The following NUDT9 variants were observed in gnomAD, a reference collection of about 807,000 sequenced individuals.
NUDT9 encodes nudix hydrolase 9, also known as ADP-ribose pyrophosphatase.
Under a neutral mutation model 41.0 loss-of-function variants are expected in NUDT9, and 31 were observed. That is an observed-to-expected ratio of 0.76 (90% CI 0.57 to 1.02). The LOEUF (loss-of-function observed/expected upper bound fraction) is 1.02, where lower values mean the gene tolerates loss of function less well. NUDT9 is among the 50% of genes least tolerant of loss of function. The pLI is 0.00. For missense variants in NUDT9, 380 were observed against 431.4 expected (o/e 0.88, Z 1.06); for synonymous variants, 146 against 147.6 (o/e 0.99, Z 0.08).
intron 4 of NUDT9, among the ~76,000 whole-genome samples, chr4:87,443,521 A>G (rs1414871941): frequency 9.9e-5 from 15 of 152,236 alleles, no homozygotes; most frequent in Admixed American, 9.8e-4. Context: ...GTCACTGAAG[A>G]GCAATGGCTT....
At chr4:87,425,431 G>A (rs1578062932) in intron 1 of NUDT9, among the ~76,000 whole-genome samples, 1 of 125,592 alleles carries the variant, frequency 8.0e-6, no homozygotes, top group Non-Finnish European at 1.6e-5. Context: ...TCTTGCTCTC[G>A]TTGCCAAGGC....
In NUDT9 at chr4:87,422,721, C is replaced by T. The variant is rs371562378; in HGVS notation, c.-185C>T. On this transcript the variant is annotated 5_prime_UTR_variant, in exon 1 of 8. Transcript: ENST00000302174. ...ACTGGGGAAAGCGGTGGACTCTTAT[C>T]GTGGGAGGGCTCTTGATCTGTGATT... 1 of 477,662 alleles carries T rather than the reference C, an allele frequency of 2.1e-6. No individual in the cohort carries two copies. The highest frequency in any genetic ancestry group is 3.3e-5 in the South Asian group (1 of 30,110). 29.6% of individuals were successfully genotyped at this position (477,662 alleles called of 1,614,324 possible).
Position 87,435,202 on chromosome 4 carries a change from G to A in NUDT9, c.329G>A (p.Trp110Ter), listed in dbSNP as rs1721876287. 1.2e-6 allele frequency: 2 copies of A among 1,613,258 alleles called. No homozygotes were observed. The change falls in exon 2 of 8, where the codon TGG (tryptophan) becomes TAG (stop). Residue 110 changes from tryptophan (W) to a stop codon, truncating the protein, a stop_gained. Coordinates refer to ENST00000302174, the MANE Select transcript of NUDT9 (RefSeq NM_024047.5). LOFTEE classifies it high-confidence loss of function. Reference protein sequence around the residue: ...TAVSVLAGPRWADPQISESNF... With the variant: ...TAVSVLAGPR ...GTCTCTGTCTTGGCTGGACCCAGGTGGGCAGATCCTCAGATCAGGTGAGCA... is the reference window on the plus strand; with the variant it reads ...GTCTCTGTCTTGGCTGGACCCAGGTAGGCAGATCCTCAGATCAGGTGAGCA...
At chr4:87,429,898 A>G (rs1304418906) in intron 1 of NUDT9, among the ~76,000 whole-genome samples, 1 of 152,080 alleles carries the variant, frequency 6.6e-6, no homozygotes, top group Non-Finnish European at 1.5e-5. Context: ...ATATGCTTAT[A>G]TAATAAATAG....
rs760381967 is a variant in NUDT9, at chr4:87,422,915, C to T, written c.10C>T (p.Arg4Cys). 7 of 1,609,824 alleles carry T rather than the reference C, an allele frequency of 4.3e-6. No homozygotes were observed. The highest frequency in any genetic ancestry group is 1.1e-5 in the South Asian group (1 of 90,928). Residue 4 changes from arginine to cysteine, a missense_variant, in exon 1 of 8, where the codon CGC becomes TGC. Transcript: ENST00000302174. ...CGCCCTCGGGGCGCTCATGGCGGGACGCCTCCTGGGAAAGGCTTTAGCCGC... is the reference window on the plus strand; with the variant it reads ...CGCCCTCGGGGCGCTCATGGCGGGATGCCTCCTGGGAAAGGCTTTAGCCGC... MAG[R>C]LLGKALAAVS...
At chr4:87,454,703 T>C (rs1411472781) in intron 7 of NUDT9, among the ~76,000 whole-genome samples, 1 of 152,212 alleles carries the variant, frequency 6.6e-6, no homozygotes, top group Non-Finnish European at 1.5e-5. Context: ...AGGATGAAAT[T>C]ATGGGCTAAA....
intron 1 of NUDT9, among the ~76,000 whole-genome samples, chr4:87,429,152 G>T (rs1320003062): frequency 6.6e-6 from 1 of 152,084 alleles, no homozygotes; most frequent in African/African-American, 2.4e-5. Flanking sequence ...AATTAAAAAG[G>T]TTTCTTATTT....
intron 1 of NUDT9, among the ~76,000 whole-genome samples, chr4:87,427,375 T>A: frequency 6.6e-6 from 1 of 152,254 alleles, no homozygotes; most frequent in East Asian, 1.9e-4. Flanking sequence ...AGTTCCCATT[T>A]GCTAGGCCAA....
chr4:87,452,582 C>T (rs1255352742), intron 6 of NUDT9, among the ~76,000 whole-genome samples: 1 of 151,714 alleles, frequency 6.6e-6, no homozygotes, highest in Non-Finnish European at 1.5e-5. Flanking sequence ...TTCTGGGTAG[C>T]TGGGACCACA....
chr4:87,427,700 G>T (rs1285258101), intron 1 of NUDT9, among the ~76,000 whole-genome samples: 2 of 152,132 alleles, frequency 1.3e-5, no homozygotes, highest in African/African-American at 4.8e-5. Flanking sequence ...TTTTTGGTAC[G>T]TGGGTGGGAT....
intron 1 of NUDT9, among the ~76,000 whole-genome samples, chr4:87,424,513 C>T (rs950500732): frequency 2.6e-5 from 4 of 152,138 alleles, no homozygotes; most frequent in Admixed American, 6.5e-5. Flanking sequence ...CCGCCCGTCT[C>T]GGCCTCCCAA....
chr4:87,432,224 G>C lies in NUDT9; in HGVS notation c.108-2757G>C, dbSNP rs367788285. 7.2e-5 allele frequency among the ~76,000 whole-genome samples: 11 copies of C among 152,024 alleles called. No individual in the cohort carries two copies. In the East Asian group the frequency reaches 1.5e-3, roughly 21 times the overall value. On this transcript the variant is annotated intron_variant, in intron 1 of 7. Coordinates refer to ENST00000302174, the MANE Select transcript of NUDT9 (RefSeq NM_024047.5). Reference sequence around the variant, plus strand: ...CACATAATGAGATGTCTTGGAGATGGGACTCAAGTCTAAACACAAAATTCA... The same window carrying C: ...CACATAATGAGATGTCTTGGAGATGCGACTCAAGTCTAAACACAAAATTCA...
At chr4:87,432,760 A>G (rs1578067527) in intron 1 of NUDT9, among the ~76,000 whole-genome samples, 1 of 150,266 alleles carries the variant, frequency 6.7e-6, no homozygotes, top group East Asian at 2.0e-4. Flanking sequence ...ATCAATCAAG[A>G]AGATTGTGTT....
In NUDT9 at chr4:87,458,059, G is replaced by C. The variant is rs755879495; in HGVS notation, c.*38G>C. On this transcript the variant is annotated 3_prime_UTR_variant, in exon 8 of 8. Coordinates refer to ENST00000302174, the MANE Select transcript of NUDT9 (RefSeq NM_024047.5). ...GTGTAAGCCAAAGGCCCACAGAGGAGCATATACTGAAAAGAAGGCAGTATC... is the reference window on the plus strand; with the variant it reads ...GTGTAAGCCAAAGGCCCACAGAGGACCATATACTGAAAAGAAGGCAGTATC... 17 of 1,461,854 alleles carry C rather than the reference G, an allele frequency of 1.2e-5. No individual in the cohort carries two copies. Among genetic ancestry groups the C allele is most frequent in the Admixed American group, 8.1e-5 (3 of 37,212 alleles). The allele number at this position is 1,461,854 out of a possible 1,614,324, so 90.6% of individuals were successfully genotyped here. A position where few individuals can be genotyped will look rare whatever the true frequency, so the allele number is the denominator to read the frequency against.
In NUDT9 at chr4:87,438,375, A is replaced by G. The variant is rs761870781; in HGVS notation, c.443+3A>G. 3.9e-6 allele frequency: 6 copies of G among 1,523,776 alleles called. No individual in the cohort carries two copies. In the South Asian group the frequency reaches 4.5e-5, roughly 11 times the overall value. The allele number at this position is 1,523,776 out of a possible 1,614,324, so 94.4% of individuals were successfully genotyped here. On this transcript the variant is annotated splice_donor_region_variant and intron_variant, in intron 3 of 7. Coordinates refer to ENST00000302174, the MANE Select transcript of NUDT9 (RefSeq NM_024047.5). ...GAGATTGAAAATGGAAGACCGAGGT[A>G]GGTACTGGGAGCAGAGCATCTTACA...
Position 87,423,025 on chromosome 4 carries a change from C to T in NUDT9, c.107+13C>T, listed in dbSNP as rs1166937100. ...TCCAGGCGTTCAGGTATTCCACCCT[C>T]CTACTACCGGCTCCTTTGCCCTAGA... On this transcript the variant is annotated intron_variant, in intron 1 of 7. Transcript: ENST00000302174. The T allele has an allele frequency of 1.9e-6, 3 of 1,602,804 alleles. No individual in the cohort carries two copies. Among genetic ancestry groups the T allele is most frequent in the Non-Finnish European group, 2.6e-6 (3 of 1,172,106 alleles).
chr4:87,425,014 A>G (rs1721344662), intron 1 of NUDT9, among the ~76,000 whole-genome samples: 1 of 152,194 alleles, frequency 6.6e-6, no homozygotes, highest in Admixed American at 6.5e-5. Flanking sequence ...ATGCCACTGC[A>G]TTCCATTCTG....
At chr4:87,455,183 C>T (rs942371503) in intron 7 of NUDT9, among the ~76,000 whole-genome samples, 5 of 152,186 alleles carry the variant, frequency 3.3e-5, no homozygotes, top group Non-Finnish European at 7.4e-5. Flanking sequence ...TTGTACAAAT[C>T]ATTTGTCCTC....
chr4:87,422,627 C>T lies in NUDT9; in HGVS notation c.-279C>T, dbSNP rs928703657. The T allele has an allele frequency of 3.0e-6, 1 of 330,450 alleles. No homozygotes were observed. The highest frequency in any genetic ancestry group is 5.5e-6 in the Non-Finnish European group (1 of 183,062). 20.5% of individuals were successfully genotyped at this position (330,450 alleles called of 1,614,324 possible). ...GAGAGAAAGTTACGAGGTTCGTGGC[C>T]GCGGTTTCCCCAGGCAGCTGGCGCT... is the stretch of plus-strand genomic sequence containing the variant. On this transcript the variant is annotated 5_prime_UTR_variant, in exon 1 of 8. Coordinates refer to ENST00000302174, the MANE Select transcript of NUDT9 (RefSeq NM_024047.5).
Sources: allele counts gnomAD v4.1 joint callset (sites outside exome capture counted in the v4.1 genomes callset), GRCh38; gene constraint gnomAD v4.1.1; transcripts MANE v1.5; gene names NCBI Gene and HGNC (gene_info 2026-07-23, HGNC 2026-07-21).